PROCR: variants seen among roughly 807,000 people sequenced by gnomAD.
PROCR encodes the protein protein C receptor.
A neutral mutation model predicts 24.2 loss-of-function variants in PROCR; 22 were observed. The ratio of observed to expected loss-of-function variants is 0.91; its 90% CI spans 0.65 to 1.30. The LOEUF is 1.30. Ranked by LOEUF, PROCR falls within the 50% of genes most tolerant of loss-of-function variation. The probability of loss-of-function intolerance (pLI) is 0.00; values close to 1 mark genes in which losing one functional copy is unlikely to be tolerated. For synonymous variants in PROCR, 137 were observed against 139.2 expected (o/e 0.98, Z 0.11); for missense variants, 288 against 307.7 (o/e 0.94, Z 0.48).
chr20:35,176,657 G>C (rs201416896), intron 3 of PROCR, 41 bp from the exon 4 acceptor site: 2 of 1,579,496 alleles, frequency 1.3e-6, no homozygotes, highest in African/African-American at 2.7e-5. Flanking sequence ...TGGACTCCTT[G>C]GGGGCCTATT....
chr20:35,198,244 A>G (rs2060305998), intron 1 of PROCR, among the ~76,000 whole-genome samples: 1 of 151,782 alleles, frequency 6.6e-6, no homozygotes, highest in Non-Finnish European at 1.5e-5. Flanking sequence ...GTGAGCTGAG[A>G]TTGTGCCACT....
At chr20:35,205,887 A>G (rs1403001808) in intron 1 of PROCR, among the ~76,000 whole-genome samples, 2 of 145,834 alleles carry the variant, frequency 1.4e-5, no homozygotes, top group African/African-American at 5.1e-5. Context: ...ATATGTATAT[A>G]TGTGTATGAC....
intron 1 of PROCR, among the ~76,000 whole-genome samples, chr20:35,188,129 G>C (rs2086143417): frequency 6.6e-6 from 1 of 152,158 alleles, no homozygotes; most frequent in Non-Finnish European, 1.5e-5. Context: ...ATCTCTGCCA[G>C]GTGGCCTGAG....
chr20:35,193,036 A>G (rs542132795), intron 1 of PROCR, among the ~76,000 whole-genome samples: 54 of 152,298 alleles, frequency 3.5e-4, no homozygotes, highest in African/African-American at 1.2e-3. Context: ...AGTATAAACT[A>G]TATGATTACA....
chr20:35,210,624 G>T (rs1215515753), intron 1 of PROCR, among the ~76,000 whole-genome samples: 2 of 151,956 alleles, frequency 1.3e-5, no homozygotes, highest in African/African-American at 4.8e-5. Flanking sequence ...ATTTTTAACT[G>T]TCCCCAGTTC....
intron 1 of PROCR, among the ~76,000 whole-genome samples, chr20:35,184,560 C>T (rs1406585703): frequency 2.6e-5 from 4 of 152,034 alleles, no homozygotes; most frequent in African/African-American, 9.7e-5. Context: ...ATTAGCTGGG[C>T]GTGGTGGCGG....
intron 1 of PROCR, among the ~76,000 whole-genome samples, chr20:35,210,216 A>G (rs771597527): frequency 6.6e-6 from 1 of 152,100 alleles, no homozygotes; most frequent in Non-Finnish European, 1.5e-5. Context: ...ACAGAGCAAG[A>G]CCCTATCTCT....
intron 1 of PROCR, among the ~76,000 whole-genome samples, chr20:35,192,479 C>CT (rs1487762807): frequency 6.6e-6 from 1 of 152,108 alleles, no homozygotes; most frequent in Non-Finnish European, 1.5e-5. Flanking sequence ...CTTTGTTGTG[C>CT]TTATCTGGGA....
chr20:35,180,109 G>A (rs904691287), downstream of PROCR, among the ~76,000 whole-genome samples: 3 of 152,064 alleles, frequency 2.0e-5, no homozygotes, highest in Non-Finnish European at 2.9e-5. Flanking sequence ...AGCCGGGCGC[G>A]GTGATGCACG....
chr20:35,180,833 C>T (rs551109006), downstream of PROCR, among the ~76,000 whole-genome samples: 5 of 151,644 alleles, frequency 3.3e-5, no homozygotes, highest in Middle Eastern at 3.4e-3. Context: ...GTCATTATTC[C>T]GTTTTTTGTT....
intron 1 of PROCR, among the ~76,000 whole-genome samples, chr20:35,189,783 C>T (rs1457058827): frequency 5.9e-5 from 9 of 152,236 alleles, no homozygotes; most frequent in African/African-American, 1.9e-4. Flanking sequence ...GTTGAAATAT[C>T]GGGGGCTGGT....
intron 1 of PROCR, among the ~76,000 whole-genome samples, chr20:35,172,904 A>G (rs2146140071): frequency 6.6e-6 from 1 of 152,282 alleles, no homozygotes; most frequent in East Asian, 1.9e-4. Context: ...ACCAGTATTC[A>G]ATGAGTGCTC....
At chr20:35,208,967 A>G (rs141828861) in intron 1 of PROCR, among the ~76,000 whole-genome samples, 1 of 152,296 alleles carries the variant, frequency 6.6e-6, no homozygotes, top group East Asian at 1.9e-4. Flanking sequence ...GCAAGACTCC[A>G]TCCCCAAAAA....
intron 1 of PROCR, among the ~76,000 whole-genome samples, chr20:35,174,115 C>T (rs2085980518): frequency 6.6e-6 from 1 of 152,090 alleles, no homozygotes; most frequent in Non-Finnish European, 1.5e-5. Context: ...TATGTAAAGC[C>T]CATTGCCCAG....
chr20:35,181,464 G>A (rs370667423), downstream of PROCR, among the ~76,000 whole-genome samples: 8 of 151,642 alleles, frequency 5.3e-5, no homozygotes, highest in African/African-American at 1.5e-4. Flanking sequence ...TAGTAGTGAC[G>A]GGGTTTCACC....
chr20:35,173,423 C>CTTTTTTTTTTTTTT (rs58785250), intron 1 of PROCR, among the ~76,000 whole-genome samples: 2 of 88,152 alleles, frequency 2.3e-5, no homozygotes, highest in Non-Finnish European at 4.6e-5. Context: ...TTTCTTTTTT[C>CTTTTTTTTTTTTTT]TTTTTTTTTT....
chr20:35,183,077 A>G (rs1276484054), intron 1 of PROCR, among the ~76,000 whole-genome samples: 3 of 151,824 alleles, frequency 2.0e-5, no homozygotes, highest in Non-Finnish European at 4.4e-5. Flanking sequence ...TAGTTTTTGG[A>G]ATTCTGTAAC....
At chr20:35,214,875 T>C (rs924043472) in intron 1 of PROCR, among the ~76,000 whole-genome samples, 8 of 150,702 alleles carry the variant, frequency 5.3e-5, no homozygotes, top group Non-Finnish European at 1.0e-4. Context: ...ACCTTTTCCT[T>C]CCTCCAGGCC....
chr20:35,175,962 GC>G (rs2086011607), intron 2 of PROCR, among the ~76,000 whole-genome samples: 2 of 151,668 alleles, frequency 1.3e-5, no homozygotes, highest in South Asian at 2.1e-4. Context: ...ACAGTCCCTG[GC>G]CCCTTCTTTC....
Sources: gnomAD v4.1 joint callset for allele counts (sites outside exome capture counted in the v4.1 genomes callset) on GRCh38, gnomAD v4.1.1 for gene constraint, MANE v1.5 for transcripts, NCBI Gene and HGNC (gene_info 2026-07-23, HGNC 2026-07-21) for gene names.